The following DCDC2C variants were observed in gnomAD, a reference collection of about 807,000 sequenced individuals.
DCDC2C encodes the protein doublecortin domain containing 2C.
Under a neutral mutation model 45.0 loss-of-function variants are expected in DCDC2C, and 44 were observed. The ratio of observed to expected loss-of-function variants is 0.98; its 90% confidence interval spans 0.77 to 1.26. DCDC2C has a LOEUF of 1.26. Among genes scored for constraint, DCDC2C ranks in the 50% most tolerant of loss-of-function variants. The pLI is 0.00. For missense variants in DCDC2C, 447 were observed against 468.9 expected (o/e 0.95, Z 0.43); for synonymous variants, 187 against 178.8 (o/e 1.05, Z -0.37).
rs769575977 is a variant in DCDC2C, at chr2:3,742,010, G to T, written c.507G>T (p.Thr169=). Residue 169 remains threonine (T), a synonymous_variant, in exon 4 of 11, where the codon ACG becomes ACT. Coordinates refer to ENST00000399143, the MANE Select transcript of DCDC2C (RefSeq NM_001287444.2). ...CCGATTGGGACATCGTGCTGGCCAC[G>T]ATCGGAGAAAAAGTCTTCCCTCTAG... ...SLSDWDIVLA[T]IGEKVFPLGG... is the part of the protein sequence containing the mutation. 6 of 1,547,962 alleles carry T rather than the reference G, an allele frequency of 3.9e-6. No homozygotes were observed.
intron 10 of DCDC2C, among the ~76,000 whole-genome samples, chr2:3,805,095 A>C (rs1371044924): frequency 6.6e-6 from 1 of 152,226 alleles, no homozygotes; most frequent in Non-Finnish European, 1.5e-5. Flanking sequence ...CAGCTACAAG[A>C]ATCATGTGCA....
chr2:3,754,502 C>T (rs954505562), intron 5 of DCDC2C, 90 bp from the exon 6 acceptor site: 2 of 1,320,530 alleles, frequency 1.5e-6, no homozygotes, highest in African/African-American at 3.0e-5. Context: ...TGGTCACTTC[C>T]CTCCTAAAGA....
chr2:3,836,994 C>T (rs562184063), intron 10 of DCDC2C, among the ~76,000 whole-genome samples: 181 of 152,068 alleles, frequency 1.2e-3, no homozygotes, highest in Middle Eastern at 6.8e-3. Flanking sequence ...CTCCTTTTTC[C>T]CCAAGTGGAA....
chr2:3,717,658 T>C (rs1668383475), intron 2 of DCDC2C, among the ~76,000 whole-genome samples: 1 of 152,120 alleles, frequency 6.6e-6, no homozygotes, highest in East Asian at 1.9e-4. Flanking sequence ...ATTAAGTCAC[T>C]CCTCTTGGCT....
chr2:3,722,488 C>T (rs949789722), intron 2 of DCDC2C, among the ~76,000 whole-genome samples: 2 of 152,182 alleles, frequency 1.3e-5, no homozygotes, highest in Non-Finnish European at 2.9e-5. Context: ...CCTGTAGTTG[C>T]TCCTTGGGGG....
intron 6 of DCDC2C, among the ~76,000 whole-genome samples, chr2:3,758,882 A>T (rs896300061): frequency 3.3e-5 from 5 of 152,224 alleles, no homozygotes; most frequent in Non-Finnish European, 4.4e-5. Context: ...AGGATGTCAC[A>T]AACTAGCCTA....
chr2:3,707,263 G>A (rs1320601726), intron 1 of DCDC2C, among the ~76,000 whole-genome samples: 2 of 152,092 alleles, frequency 1.3e-5, no homozygotes, highest in South Asian at 2.1e-4. Context: ...TGTTTTTGTA[G>A]GATCTTTTTA....
intron 2 of DCDC2C, among the ~76,000 whole-genome samples, chr2:3,721,878 C>T (rs1643086707): frequency 6.6e-6 from 1 of 152,206 alleles, no homozygotes; most frequent in Admixed American, 6.5e-5. Flanking sequence ...TCCTCTTTTG[C>T]CTTCCTCCAT....
intron 3 of DCDC2C, 103 bp from the exon 4 acceptor site, chr2:3,741,817 T>A (rs1456793849): frequency 8.0e-7 from 1 of 1,250,748 alleles, no homozygotes; most frequent in Non-Finnish European, 1.1e-6. Flanking sequence ...GCTTAGTGCA[T>A]CTCATTGTTT....
At chr2:3,773,827 G>A (rs903591576) in intron 8 of DCDC2C, among the ~76,000 whole-genome samples, 1 of 152,220 alleles carries the variant, frequency 6.6e-6, no homozygotes, top group Non-Finnish European at 1.5e-5. Context: ...TAAGTAGGCT[G>A]TGCAAACCCC....
At chr2:3,791,929 A>G (rs1670822727) in intron 10 of DCDC2C, among the ~76,000 whole-genome samples, 1 of 152,258 alleles carries the variant, frequency 6.6e-6, no homozygotes, top group Admixed American at 6.5e-5. Flanking sequence ...GATGAGATGA[A>G]GCTCGGTGTT....
At chr2:3,758,270 T>C (rs1669779398) in intron 6 of DCDC2C, among the ~76,000 whole-genome samples, 1 of 152,170 alleles carries the variant, frequency 6.6e-6, no homozygotes, top group African/African-American at 2.4e-5. Context: ...CGACAGCGTC[T>C]CAGGACTCCT....
chr2:3,781,700 A>C (rs1335007549), intron 9 of DCDC2C, among the ~76,000 whole-genome samples: 1 of 152,128 alleles, frequency 6.6e-6, no homozygotes, highest in Non-Finnish European at 1.5e-5. Flanking sequence ...TTTCTACAAA[A>C]AATTAGTGAA....
chr2:3,800,073 C>T (rs370953275), intron 10 of DCDC2C, among the ~76,000 whole-genome samples: 44 of 152,284 alleles, frequency 2.9e-4, no homozygotes, highest in African/African-American at 9.6e-4. Flanking sequence ...TCTCGTGGTG[C>T]GCCGTTTTTT....
At chr2:3,802,209 A>G (rs1359236531) in intron 10 of DCDC2C, among the ~76,000 whole-genome samples, 1 of 152,210 alleles carries the variant, frequency 6.6e-6, no homozygotes, top group African/African-American at 2.4e-5. Flanking sequence ...TTCTATCTTT[A>G]GCCAATCCTG....
At chr2:3,729,952 C>T (rs895211793) in intron 3 of DCDC2C, among the ~76,000 whole-genome samples, 1 of 152,128 alleles carries the variant, frequency 6.6e-6, no homozygotes, top group African/African-American at 2.4e-5. Flanking sequence ...GAAACTCAGT[C>T]CCTCCTCTTG....
At chr2:3,729,509 G>A (rs1201129866) in intron 3 of DCDC2C, among the ~76,000 whole-genome samples, 1 of 152,246 alleles carries the variant, frequency 6.6e-6, no homozygotes, top group African/African-American at 2.4e-5. Context: ...ATGGGAGCAA[G>A]TGGGGCCTCA....
intron 4 of DCDC2C, 189 bp from the exon 5 acceptor site, chr2:3,752,574 C>G (rs768216372): frequency 3.4e-5 from 24 of 710,602 alleles, no homozygotes; most frequent in Non-Finnish European, 5.0e-5. Context: ...AAGTGGAAAG[C>G]AAGTCTAATC....
At chr2:3,788,785 T>C (rs200241543) in intron 10 of DCDC2C, among the ~76,000 whole-genome samples, 4,283 of 95,792 alleles carry the variant, frequency 0.045, 232 homozygotes, top group African/African-American at 0.14. Context: ...CGTTTCCCTT[T>C]CTTCCTCCCT....
Sources: gnomAD v4.1 joint callset for allele counts (sites outside exome capture counted in the v4.1 genomes callset) on GRCh38, gnomAD v4.1.1 for gene constraint, MANE v1.5 for transcripts, NCBI Gene and HGNC (gene_info 2026-07-23, HGNC 2026-07-21) for gene names.